PRDM16: variants seen among roughly 807,000 people sequenced by gnomAD.
PRDM16 encodes PR/SET domain 16, also known as histone-lysine N-methyltransferase PRDM16.
A neutral mutation model predicts 110.6 loss-of-function variants in PRDM16; 23 were observed. The observed-to-expected ratio is 0.21, with a 90% confidence interval of 0.15 to 0.29. The LOEUF (loss-of-function observed/expected upper bound fraction) is 0.29, where lower values mean the gene tolerates loss of function less well. PRDM16 is among the 10% of genes least tolerant of loss of function. The pLI is 1.00. For missense variants in PRDM16, 1,615 were observed against 1,794.3 expected (o/e 0.90, Z 1.81); for synonymous variants, 799 against 781.8 (o/e 1.02, Z -0.37).
intron 8 of PRDM16, among the ~76,000 whole-genome samples, chr1:3,408,953 G>A (rs1394977138): frequency 4.7e-5 from 7 of 149,888 alleles, no homozygotes; most frequent in African/African-American, 9.9e-5. Flanking sequence ...AGTGAGGGGC[G>A]TGTGAGCCAG....
intron 5 of PRDM16, among the ~76,000 whole-genome samples, chr1:3,400,788 C>T (rs1404653472): frequency 1.3e-5 from 2 of 152,144 alleles, no homozygotes; most frequent in African/African-American, 4.8e-5. Flanking sequence ...CGGCTGAGAA[C>T]GAAATCACAG....
At chr1:3,351,359 G>T (rs1359662357) in intron 3 of PRDM16, among the ~76,000 whole-genome samples, 1 of 151,824 alleles carries the variant, frequency 6.6e-6, no homozygotes, top group African/African-American at 2.4e-5. Context: ...TAGGGAAAAA[G>T]CTCCATCCAG....
chr1:3,099,859 C>CCCTCCTTCTCCA (rs1197522678), intron 1 of PRDM16, among the ~76,000 whole-genome samples: 1 of 151,840 alleles, frequency 6.6e-6, no homozygotes. Context: ...AGATGGCGCC[C>CCCTCCTTCTCCA]CCTCCTTCTC....
chr1:3,249,168 C>G (rs1639866007), intron 3 of PRDM16, among the ~76,000 whole-genome samples: 1 of 136,368 alleles, frequency 7.3e-6, no homozygotes, highest in South Asian at 2.5e-4. Context: ...TCACTGTGTT[C>G]TGTTTGTATT....
intron 3 of PRDM16, chr1:3,309,747 A>C (rs1641403712): frequency 6.6e-6 from 1 of 152,152 alleles, no homozygotes; most frequent in African/African-American, 2.4e-5. Flanking sequence ...CTGTGACTCC[A>C]GAGGCCAGGG....
At chr1:3,274,741 T>C (rs144635989) in intron 3 of PRDM16, among the ~76,000 whole-genome samples, 11 of 152,364 alleles carry the variant, frequency 7.2e-5, no homozygotes, top group African/African-American at 2.6e-4. Flanking sequence ...GCAAGTTTGG[T>C]AGCCATTAGG....
chr1:3,141,467 C>A (rs1643548307), intron 1 of PRDM16, among the ~76,000 whole-genome samples: 1 of 152,236 alleles, frequency 6.6e-6, no homozygotes, highest in South Asian at 2.1e-4. Flanking sequence ...GACATCATCT[C>A]CAAGGCTCAA....
chr1:3,181,948 A>G (rs1644214320), intron 1 of PRDM16, among the ~76,000 whole-genome samples: 3 of 151,900 alleles, frequency 2.0e-5, no homozygotes, highest in African/African-American at 7.3e-5. Context: ...GCTTACACAC[A>G]CAGTCTTACA....
chr1:3,277,727 ACGCG>A (rs1220672339), intron 3 of PRDM16, among the ~76,000 whole-genome samples: 1 of 148,722 alleles, frequency 6.7e-6, no homozygotes, highest in Non-Finnish European at 1.5e-5. Context: ...GCACACACAC[ACGCG>A]CGCACACACG....
At chr1:3,134,834 C>T (rs572097057) in intron 1 of PRDM16, among the ~76,000 whole-genome samples, 1 of 152,250 alleles carries the variant, frequency 6.6e-6, no homozygotes, top group Non-Finnish European at 1.5e-5. Flanking sequence ...TTTTGTTTGG[C>T]AGAGGGGCCT....
At chr1:3,344,944 A>G (rs766065376) in intron 3 of PRDM16, among the ~76,000 whole-genome samples, 3 of 151,828 alleles carry the variant, frequency 2.0e-5, no homozygotes, top group African/African-American at 7.3e-5. Context: ...GCCCTTTGCA[A>G]CCTCCCTCAT....
At chr1:3,179,383 C>G (rs1480351525) in intron 1 of PRDM16, among the ~76,000 whole-genome samples, 1 of 152,232 alleles carries the variant, frequency 6.6e-6, no homozygotes, top group Non-Finnish European at 1.5e-5. Flanking sequence ...TGGGGGATGA[C>G]AGGCTCCTTC....
intron 1 of PRDM16, among the ~76,000 whole-genome samples, chr1:3,090,021 G>A (rs1284908634): frequency 2.6e-5 from 4 of 152,076 alleles, no homozygotes; most frequent in Non-Finnish European, 5.9e-5. Flanking sequence ...TTCCAGCCTC[G>A]TACTTGTTCA....
chr1:3,409,427 C>T lies in PRDM16; in HGVS notation c.1187-1957C>T, dbSNP rs150443003. ...GTTCTTCTCCCCTCAGCCTTGAAAA[C>T]GCCCCGCCAGGCTGGACGAGCAGGA... On this transcript the variant is annotated intron_variant, in intron 8 of 16. Coordinates refer to ENST00000270722, the MANE Select transcript of PRDM16 (RefSeq NM_022114.4). Among the ~76,000 whole-genome samples, 241 of 152,244 alleles carry T rather than the reference C, an allele frequency of 1.6e-3. 1 individual carries two copies. The highest frequency in any genetic ancestry group is 5.4e-3 in the African/African-American group (224 of 41,540).
intron 3 of PRDM16, among the ~76,000 whole-genome samples, chr1:3,319,979 T>C (rs1244992912): frequency 6.6e-6 from 1 of 152,132 alleles, no homozygotes; most frequent in Non-Finnish European, 1.5e-5. Context: ...CAGCCAGCCA[T>C]TGGCTACACA....
intron 1 of PRDM16, among the ~76,000 whole-genome samples, chr1:3,173,423 C>T (rs1234755098): frequency 2.6e-5 from 4 of 152,264 alleles, no homozygotes; most frequent in African/African-American, 7.2e-5. Flanking sequence ...GAGCATTGCA[C>T]GGATAAATAA....
intron 1 of PRDM16, among the ~76,000 whole-genome samples, chr1:3,082,470 C>A (rs1002633778): frequency 3.3e-5 from 5 of 152,230 alleles, no homozygotes; most frequent in African/African-American, 1.2e-4. Context: ...GTCTGGGGAC[C>A]ATTCCCAAGG....
chr1:3,098,957 G>A (rs1231772939), intron 1 of PRDM16, among the ~76,000 whole-genome samples: 3 of 152,220 alleles, frequency 2.0e-5, no homozygotes, highest in Admixed American at 1.3e-4. Context: ...GAGTGGCTGA[G>A]CGGCCTCACT....
chr1:3,079,845 C>T (rs1284660958), intron 1 of PRDM16, among the ~76,000 whole-genome samples: 1 of 152,218 alleles, frequency 6.6e-6, no homozygotes, highest in African/African-American at 2.4e-5. Flanking sequence ...CCTGAGAGGG[C>T]CCGCCAAGCT....
Sources: allele counts gnomAD v4.1 joint callset (sites outside exome capture counted in the v4.1 genomes callset), GRCh38; gene constraint gnomAD v4.1.1; transcripts MANE v1.5; gene names NCBI Gene and HGNC (gene_info 2026-07-23, HGNC 2026-07-21).